EPHA3: variants seen among roughly 807,000 people sequenced by gnomAD.
EPHA3 encodes the protein EPH receptor A3.
Under a neutral mutation model 107.1 loss-of-function variants are expected in EPHA3, and 42 were observed. The ratio of observed to expected loss-of-function variants is 0.39; its 90% CI spans 0.31 to 0.51. EPHA3 has a LOEUF of 0.51. EPHA3 is among the 20% of genes least tolerant of loss of function. The pLI is 0.78. For synonymous variants in EPHA3, 461 were observed against 424.8 expected, an observed-to-expected ratio of 1.09 and a Z score of -1.05; for missense variants, 1,183 against 1,211.2, an observed-to-expected ratio of 0.98 and a Z score of 0.35.
At chr3:89,326,812 A>G (rs1041011518) in intron 3 of EPHA3, among the ~76,000 whole-genome samples, 4 of 152,104 alleles carry the variant, frequency 2.6e-5, no homozygotes, top group African/African-American at 4.8e-5. Flanking sequence ...ACACATAAAT[A>G]TCTTTACAAA....
rs556924290 is a variant in EPHA3, at chr3:89,365,529, C to T, written c.1306+23439C>T. On this transcript the variant is annotated intron_variant, in intron 5 of 16. Coordinates refer to ENST00000336596, the MANE Select transcript of EPHA3 (RefSeq NM_005233.6). ...TTTCCACAGGGCAACACTTGACTGT[C>T]TGTGCAGCAAGGGCCCTGCCAGACT... 9.4e-4 allele frequency among the ~76,000 whole-genome samples: 142 copies of T among 150,922 alleles called. 7 individuals are homozygous for T. The highest frequency in any genetic ancestry group is 7.1e-3 in the South Asian group (34 of 4,782).
chr3:89,167,762 A>T (rs9834174), intron 2 of EPHA3, among the ~76,000 whole-genome samples: 35,169 of 151,980 alleles, frequency 0.23, 4,192 homozygotes, highest in Middle Eastern at 0.33. Flanking sequence ...AAAACCTGTT[A>T]TTCTCTTTTC....
At chr3:89,200,733 G>A (rs1180672025) in intron 2 of EPHA3, among the ~76,000 whole-genome samples, 1 of 152,184 alleles carries the variant, frequency 6.6e-6, no homozygotes, top group Non-Finnish European at 1.5e-5. Context: ...CACAGCCAGG[G>A]ACACTGTCTG....
Position 89,401,217 on chromosome 3 carries a change from T to A in EPHA3, c.1594+1737T>A, listed in dbSNP as rs569052879. On this transcript the variant is annotated intron_variant, in intron 7 of 16. Transcript: ENST00000336596. ...ACACTTTCTGTCGGACAATTAGAAATGCTGCTTACAATAAGGAGCTATAAA... is the reference window on the plus strand; with the variant it reads ...ACACTTTCTGTCGGACAATTAGAAAAGCTGCTTACAATAAGGAGCTATAAA... 7.7e-4 allele frequency among the ~76,000 whole-genome samples: 117 copies of A among 152,352 alleles called. 1 individual carries two copies. The highest frequency in any genetic ancestry group is 2.6e-3 in the African/African-American group (107 of 41,576).
intron 5 of EPHA3, among the ~76,000 whole-genome samples, chr3:89,382,547 A>G (rs1252675036): frequency 6.6e-6 from 1 of 152,018 alleles, no homozygotes; most frequent in Non-Finnish European, 1.5e-5. Context: ...ATGTCACATA[A>G]TGCCACAAAG....
intron 3 of EPHA3, among the ~76,000 whole-genome samples, chr3:89,262,961 CTCTTTTTTTTT>C (rs1246052840): frequency 1.8e-5 from 2 of 113,936 alleles, no homozygotes; most frequent in Non-Finnish European, 3.5e-5. Flanking sequence ...TGTTACAGCG[CTCTTTTTTTTT>C]TTTTTTTTTT....
At chr3:89,335,182 C>T (rs1026547369) in intron 3 of EPHA3, among the ~76,000 whole-genome samples, 4 of 152,104 alleles carry the variant, frequency 2.6e-5, no homozygotes, top group Non-Finnish European at 5.9e-5. Flanking sequence ...AAATTTATTT[C>T]TCCCTGTTCT....
chr3:89,185,126 C>T (rs1348107332), intron 2 of EPHA3, among the ~76,000 whole-genome samples: 2 of 151,966 alleles, frequency 1.3e-5, no homozygotes, highest in Non-Finnish European at 2.9e-5. Context: ...GAACCTAAAC[C>T]TAGAAACATT....
intron 3 of EPHA3, among the ~76,000 whole-genome samples, chr3:89,223,671 C>T (rs1179248376): frequency 6.6e-6 from 1 of 152,104 alleles, no homozygotes; most frequent in Non-Finnish European, 1.5e-5. Context: ...GATTTCTTAG[C>T]ATAAAATGAT....
intron 3 of EPHA3, among the ~76,000 whole-genome samples, chr3:89,297,795 G>A (rs969702079): frequency 1.3e-5 from 2 of 152,110 alleles, no homozygotes; most frequent in Non-Finnish European, 2.9e-5. Context: ...AGCACTTTGG[G>A]AGGCCGAGGT....
chr3:89,475,685 A>G (rs2107578057), intron 16 of EPHA3, among the ~76,000 whole-genome samples: 1 of 152,342 alleles, frequency 6.6e-6, no homozygotes, highest in African/African-American at 2.4e-5. Flanking sequence ...TGTGGAATGA[A>G]TATTAAGCAG....
intron 3 of EPHA3, among the ~76,000 whole-genome samples, chr3:89,277,322 A>G (rs927020028): frequency 3.3e-5 from 5 of 152,282 alleles, no homozygotes; most frequent in Non-Finnish European, 7.4e-5. Context: ...AAGTAACAGT[A>G]TGAGAAATCC....
chr3:89,321,770 G>A (rs1707048175), intron 3 of EPHA3, among the ~76,000 whole-genome samples: 1 of 151,974 alleles, frequency 6.6e-6, no homozygotes, highest in African/African-American at 2.4e-5. Context: ...ATTGAATGTT[G>A]TATTACTTTT....
At chr3:89,233,345 T>C (rs1021461382) in intron 3 of EPHA3, among the ~76,000 whole-genome samples, 7 of 152,116 alleles carry the variant, frequency 4.6e-5, no homozygotes, top group African/African-American at 1.7e-4. Flanking sequence ...ACCTACATTG[T>C]CCCCCCACTT....
intron 13 of EPHA3, among the ~76,000 whole-genome samples, chr3:89,447,785 G>A (rs1709905127): frequency 6.6e-6 from 1 of 152,028 alleles, no homozygotes; most frequent in Non-Finnish European, 1.5e-5. Context: ...CTCTGAACCA[G>A]GACTATTACA....
At chr3:89,262,919 G>C (rs1050369555) in intron 3 of EPHA3, among the ~76,000 whole-genome samples, 1 of 149,932 alleles carries the variant, frequency 6.7e-6, no homozygotes, top group African/African-American at 2.4e-5. Flanking sequence ...ATCCAAGCAG[G>C]ATGCATGCAA....
chr3:89,163,641 A>G (rs1704997160), intron 2 of EPHA3, among the ~76,000 whole-genome samples: 1 of 152,142 alleles, frequency 6.6e-6, no homozygotes, highest in South Asian at 2.1e-4. Flanking sequence ...ACTAGTTGTG[A>G]GTATCTTAAC....
chr3:89,297,332 G>A (rs1264911508), intron 3 of EPHA3, among the ~76,000 whole-genome samples: 1 of 151,984 alleles, frequency 6.6e-6, no homozygotes, highest in African/African-American at 2.4e-5. Context: ...TCTTTCACTT[G>A]AACACTTACA....
chr3:89,237,016 C>T (rs920134869), intron 3 of EPHA3, among the ~76,000 whole-genome samples: 3 of 152,148 alleles, frequency 2.0e-5, no homozygotes, highest in Admixed American at 6.5e-5. Context: ...ATGCATGGAT[C>T]GAATGGATAA....
Sources: gnomAD v4.1 joint callset for allele counts (sites outside exome capture counted in the v4.1 genomes callset) on GRCh38, gnomAD v4.1.1 for gene constraint, MANE v1.5 for transcripts, NCBI Gene and HGNC (gene_info 2026-07-23, HGNC 2026-07-21) for gene names.